Variants in IPMK observed in about 807,000 individuals in gnomAD.
The protein encoded by IPMK is inositol polyphosphate multikinase.
Under a neutral mutation model 45.8 loss-of-function variants are expected in IPMK, and 17 were observed. The ratio of observed to expected loss-of-function variants is 0.37; its 90% CI spans 0.25 to 0.56. The LOEUF is 0.56. Among genes scored for constraint, IPMK ranks in the 20% least tolerant of loss-of-function variants. IPMK has a pLI of 0.79. For missense variants in IPMK, 399 were observed against 498.0 expected (o/e 0.80, Z 1.89); for synonymous variants, 180 against 184.3 (o/e 0.98, Z 0.19).
chr10:58,214,623 C>T (rs1838216952), intron 4 of IPMK, among the ~76,000 whole-genome samples: 3 of 152,198 alleles, frequency 2.0e-5, no homozygotes, highest in South Asian at 4.1e-4. Context: ...TTCAATTTTG[C>T]TATTACCATC....
At position 58,210,570 on chromosome 10, in the gene IPMK, A is replaced by G. The variant is rs1440390009; in HGVS notation, c.546+5575T>C. On this transcript the variant is annotated intron_variant, in intron 4 of 5. Coordinates refer to ENST00000373935, the MANE Select transcript of IPMK (RefSeq NM_152230.5). ...CGCTGGCTGCCTTCCCTGAGATCCCATGTGAAATATAGTCAGGGATTACTT... is the reference window on the plus strand; with the variant it reads ...CGCTGGCTGCCTTCCCTGAGATCCCGTGTGAAATATAGTCAGGGATTACTT... Among the ~76,000 whole-genome samples the G allele has an allele frequency of 2.0e-5, 3 of 152,152 alleles. No individual in the cohort carries two copies. The East Asian group carries it at 5.8e-4, about 29-fold the overall frequency.
intron 2 of IPMK, among the ~76,000 whole-genome samples, chr10:58,231,077 G>A (rs967181286): frequency 1.1e-4 from 16 of 152,108 alleles, no homozygotes; most frequent in Admixed American, 8.5e-4. Flanking sequence ...AAAGGGTATT[G>A]GTGATTGAAG....
intron 1 of IPMK, among the ~76,000 whole-genome samples, chr10:58,257,844 A>T (rs911565284): frequency 6.6e-6 from 1 of 152,220 alleles, no homozygotes; most frequent in Admixed American, 6.5e-5. Flanking sequence ...ACAAAGAGAG[A>T]CATATCATAA....
chr10:58,253,086 T>C (rs765704145), intron 1 of IPMK, among the ~76,000 whole-genome samples: 8 of 152,202 alleles, frequency 5.3e-5, no homozygotes, highest in Non-Finnish European at 5.9e-5. Context: ...GTGGAGATAA[T>C]TAAATCATGG....
At chr10:58,200,475 TAAATA>T (rs1325717566) in intron 4 of IPMK, among the ~76,000 whole-genome samples, 1 of 152,024 alleles carries the variant, frequency 6.6e-6, no homozygotes, top group African/African-American at 2.4e-5. Context: ...TAAAAATAAA[TAAATA>T]AATAAGAGCC....
In IPMK at chr10:58,201,822, G is replaced by A. The variant is rs140747581; in HGVS notation, c.547-2501C>T. ...AAAGCTCTTGAAGGAAATTCAGAGTGCTAACTACAGTAAACACACAAATGA... is the reference window on the plus strand; with the variant it reads ...AAAGCTCTTGAAGGAAATTCAGAGTACTAACTACAGTAAACACACAAATGA... On this transcript the variant is annotated intron_variant, in intron 4 of 5. Coordinates refer to ENST00000373935, the MANE Select transcript of IPMK (RefSeq NM_152230.5). Among the ~76,000 whole-genome samples the A allele has an allele frequency of 5.3e-5, 8 of 152,306 alleles. No individual in the cohort carries two copies. The East Asian group carries it at 1.4e-3, about 26-fold the overall frequency.
intron 1 of IPMK, among the ~76,000 whole-genome samples, chr10:58,256,363 C>T (rs888802979): frequency 6.6e-6 from 1 of 152,176 alleles, no homozygotes; most frequent in Non-Finnish European, 1.5e-5. Flanking sequence ...ACACTCTGGT[C>T]TCCTGCAGTG....
rs956471287 is a variant in IPMK at position 58,238,120 on chromosome 10, C to T, written c.191-306G>A. Among the ~76,000 whole-genome samples the T allele has an allele frequency of 6.1e-4, 93 of 152,148 alleles. 1 individual carries two copies. Among genetic ancestry groups the T allele is most frequent in the African/African-American group, 2.2e-3 (93 of 41,434 alleles). Reference sequence around the variant, plus strand: ...TATATAGAAAGTCCTCAGTAATAGGCTTTCTGTAAGATGTTAACTTATAGT... The same window carrying T: ...TATATAGAAAGTCCTCAGTAATAGGTTTTCTGTAAGATGTTAACTTATAGT... On this transcript the variant is annotated intron_variant, in intron 1 of 5. Coordinates refer to ENST00000373935, the MANE Select transcript of IPMK (RefSeq NM_152230.5).
At chr10:58,234,638 T>C (rs1157100991) in intron 2 of IPMK, among the ~76,000 whole-genome samples, 2 of 152,226 alleles carry the variant, frequency 1.3e-5, no homozygotes, top group Non-Finnish European at 2.9e-5. Flanking sequence ...ACTGGATCCC[T>C]TCCTTACACC....
intron 1 of IPMK, among the ~76,000 whole-genome samples, chr10:58,245,225 C>T (rs1838779138): frequency 6.6e-6 from 1 of 151,828 alleles, no homozygotes; most frequent in South Asian, 2.1e-4. Context: ...ATATTTAAAG[C>T]AGTTAAATTC....
chr10:58,209,940 C>T (rs1838133101), intron 4 of IPMK, among the ~76,000 whole-genome samples: 1 of 152,184 alleles, frequency 6.6e-6, no homozygotes, highest in Non-Finnish European at 1.5e-5. Context: ...TCTGAGCTTG[C>T]CCTAAGTTGG....
chr10:58,258,840 G>T (rs1400785721), intron 1 of IPMK, among the ~76,000 whole-genome samples: 1 of 151,960 alleles, frequency 6.6e-6, no homozygotes, highest in African/African-American at 2.4e-5. Flanking sequence ...AGAAAGATAG[G>T]AATGAAAAAT....
intron 1 of IPMK, among the ~76,000 whole-genome samples, chr10:58,246,258 T>C (rs890590675): frequency 2.0e-5 from 3 of 150,946 alleles, no homozygotes; most frequent in Non-Finnish European, 2.9e-5. Context: ...AATGCCATCC[T>C]CATCAAGCTA....
chr10:58,240,721 G>T (rs1474363579), intron 1 of IPMK, among the ~76,000 whole-genome samples: 1 of 151,762 alleles, frequency 6.6e-6, no homozygotes, highest in Non-Finnish European at 1.5e-5. Flanking sequence ...GGGAAGGTGG[G>T]GTTACCTTAC....
chr10:58,267,339 C>T (rs1339581), intron 1 of IPMK, 83 bp downstream of exon 1: 33,270 of 1,416,506 alleles, frequency 0.023, 657 homozygotes, highest in African/African-American at 0.074. Flanking sequence ...CCAGGCAGGC[C>T]CGAGAGCGCT....
intron 3 of IPMK, among the ~76,000 whole-genome samples, chr10:58,224,098 GAAT>G (rs1291371898): frequency 5.9e-5 from 9 of 152,284 alleles, no homozygotes; most frequent in African/African-American, 1.7e-4. Context: ...AAAGCAGAAA[GAAT>G]AATAAGTAGA....
At chr10:58,218,135 G>C (rs1311784655) in intron 3 of IPMK, among the ~76,000 whole-genome samples, 2 of 152,198 alleles carry the variant, frequency 1.3e-5, no homozygotes, top group Non-Finnish European at 2.9e-5. Context: ...GCCCAAATAT[G>C]ACAAAAAAGT....
rs1837889073 is a variant in IPMK, at chr10:58,196,144, T to C, written c.1183A>G (p.Ile395Val). 6.2e-6 allele frequency: 10 copies of C among 1,613,860 alleles called. No homozygotes were observed. Among genetic ancestry groups the C allele is most frequent in the Non-Finnish European group, 8.5e-6 (10 of 1,179,760 alleles). Reference sequence around the variant, plus strand: ...AGCCCATAAACATATCCCTCATCTATTGTGTTGCTAGGGAACACATGAGCA... The same window carrying C: ...AGCCCATAAACATATCCCTCATCTACTGTGTTGCTAGGGAACACATGAGCA... ...DFAHVFPSNT[I>V]DEGYVYGLKH... The change falls in exon 6 of 6, where the codon ATA becomes GTA. Residue 395 changes from isoleucine (I) to valine (V), a missense_variant. Physicochemically the swap from Ile to Val is conservative, Grantham distance 29. Coordinates refer to ENST00000373935, the MANE Select transcript of IPMK (RefSeq NM_152230.5).
At chr10:58,242,481 GAAAAC>G (rs1412912679) in intron 1 of IPMK, among the ~76,000 whole-genome samples, 1 of 141,138 alleles carries the variant, frequency 7.1e-6, no homozygotes, top group East Asian at 2.0e-4. Flanking sequence ...AAAAAGAAAA[GAAAAC>G]AAAAGACAAG....
Sources: gnomAD v4.1 joint callset for allele counts (sites outside exome capture counted in the v4.1 genomes callset) on GRCh38, gnomAD v4.1.1 for gene constraint, MANE v1.5 for transcripts, NCBI Gene and HGNC (gene_info 2026-07-23, HGNC 2026-07-21) for gene names.